The following ADAMTS18 variants were observed in gnomAD, a reference collection of about 807,000 sequenced individuals.
ADAMTS18 encodes the protein A disintegrin and metalloproteinase with thrombospondin motifs 18.
Under a neutral mutation model 165.9 loss-of-function variants are expected in ADAMTS18, and 157 were observed. The observed-to-expected ratio is 0.95, with a 90% CI of 0.83 to 1.08. The LOEUF (loss-of-function observed/expected upper bound fraction) is 1.08, where lower values mean the gene tolerates loss of function less well. Ranked by LOEUF, ADAMTS18 falls within the 50% of genes least tolerant of loss-of-function variation. The pLI, the probability that ADAMTS18 is intolerant of heterozygous loss-of-function variation, is 0.00. For missense variants in ADAMTS18, 2,040 were observed against 1,534.0 expected (o/e 1.33, Z -5.51); for synonymous variants, 782 against 578.2 (o/e 1.35, Z -5.06).
chr16:77,353,717 T>G lies in ADAMTS18; in HGVS notation c.1614+16A>C, dbSNP rs1392125445. 2 of 1,614,174 alleles carry G rather than the reference T, an allele frequency of 1.2e-6. No individual in the cohort carries two copies. ...GCAGAGTCTTAATGTAAGTTTGAAA[T>G]CACAAGCAAACATACCTTCACAAAA... On this transcript the variant is annotated intron_variant, in intron 10 of 22. Coordinates refer to ENST00000282849, the MANE Select transcript of ADAMTS18 (RefSeq NM_199355.4).
chr16:77,353,787 C>T lies in ADAMTS18; in HGVS notation c.1560G>A (p.Gln520=), dbSNP rs138251911. 6.2e-7 allele frequency: 1 copy of T among 1,614,152 alleles called. No homozygotes were observed. Among genetic ancestry groups the T allele is most frequent in the Non-Finnish European group, 8.5e-7 (1 of 1,180,020 alleles). The change falls in exon 10 of 23, where the codon CAG becomes CAA. Residue 520 remains glutamine (Q), a synonymous_variant. Coordinates refer to ENST00000282849, the MANE Select transcript of ADAMTS18 (RefSeq NM_199355.4). ...LPGQIYDADT[Q]CKWQFGAKAK... ...CTTTTGCTCCAAATTGCCATTTACACTGTGTGTCAGCATCATAAATCTGTC... is the reference window on the plus strand; with the variant it reads ...CTTTTGCTCCAAATTGCCATTTACATTGTGTGTCAGCATCATAAATCTGTC...
intron 3 of ADAMTS18, among the ~76,000 whole-genome samples, chr16:77,381,543 C>T (rs1382462245): frequency 6.6e-6 from 1 of 152,148 alleles, no homozygotes; most frequent in African/African-American, 2.4e-5. Context: ...GTGGCTCACG[C>T]CTGTAATCCC....
intron 2 of ADAMTS18, 105 bp downstream of exon 2, chr16:77,434,313 C>T: frequency 7.5e-7 from 1 of 1,327,370 alleles, no homozygotes; most frequent in Admixed American, 2.0e-5. Context: ...CAGCGCACAC[C>T]TGCCAGGTTA....
At chr16:77,316,186 A>T (rs9746086) in intron 16 of ADAMTS18, among the ~76,000 whole-genome samples, 65,886 of 151,896 alleles carry the variant, frequency 0.43, 15,038 homozygotes, top group East Asian at 0.88. Context: ...CCTGGAATTC[A>T]AGAACCATTT....
At chr16:77,345,810 A>G (rs147140152) in intron 10 of ADAMTS18, among the ~76,000 whole-genome samples, 1 of 152,242 alleles carries the variant, frequency 6.6e-6, no homozygotes, top group East Asian at 1.9e-4. Context: ...AGTTAGGGAG[A>G]GCCTTCCAAA....
intron 3 of ADAMTS18, among the ~76,000 whole-genome samples, chr16:77,410,825 C>T (rs1223487835): frequency 6.6e-6 from 1 of 152,200 alleles, no homozygotes; most frequent in African/African-American, 2.4e-5. Context: ...GGAACCCCTT[C>T]TAGCACCCAG....
intron 3 of ADAMTS18, among the ~76,000 whole-genome samples, chr16:77,377,337 G>A (rs972170372): frequency 6.6e-5 from 10 of 152,148 alleles, no homozygotes; most frequent in Non-Finnish European, 1.3e-4. Flanking sequence ...TCAGTGTGAA[G>A]AGCTTTAAAG....
intron 3 of ADAMTS18, among the ~76,000 whole-genome samples, chr16:77,383,113 T>G (rs931504600): frequency 6.6e-6 from 1 of 152,198 alleles, no homozygotes; most frequent in African/African-American, 2.4e-5. Context: ...GTCCCTCCTG[T>G]GTTCTCATTC....
At chr16:77,427,648 A>T (rs1378332437) in intron 3 of ADAMTS18, among the ~76,000 whole-genome samples, 2 of 152,198 alleles carry the variant, frequency 1.3e-5, no homozygotes, top group Non-Finnish European at 2.9e-5. Flanking sequence ...AAGCATTCAA[A>T]ATTTTAAAAC....
intron 17 of ADAMTS18, 43 bp downstream of exon 17, chr16:77,300,220 T>A: frequency 6.2e-7 from 1 of 1,612,636 alleles, no homozygotes; most frequent in Non-Finnish European, 8.5e-7. Context: ...GAACCTGTTT[T>A]AAGAGAGACA....
intron 3 of ADAMTS18, among the ~76,000 whole-genome samples, chr16:77,423,953 T>A (rs1372143342): frequency 6.6e-6 from 1 of 152,190 alleles, no homozygotes; most frequent in Non-Finnish European, 1.5e-5. Flanking sequence ...GGCCATTTCC[T>A]TCCCAGACCT....
rs538183146 is a variant in ADAMTS18, at chr16:77,285,286, C to T, written c.3551-1215G>A. Among the ~76,000 whole-genome samples, 18 of 152,286 alleles carry T rather than the reference C, an allele frequency of 1.2e-4. No homozygotes were observed. In the South Asian group the frequency reaches 1.7e-3, roughly 14 times the overall value. ...CTCATGTATTCAAATGGTTCTCCTG[C>T]GTAAGCCTCCTGGGTAGCTGGGATT... is the stretch of plus-strand genomic sequence containing the variant. On this transcript the variant is annotated intron_variant, in intron 22 of 22. Transcript: ENST00000282849.
intron 3 of ADAMTS18, among the ~76,000 whole-genome samples, 176 bp downstream of exon 3, chr16:77,431,119 A>G (rs1312967119): frequency 6.6e-6 from 1 of 152,192 alleles, no homozygotes; most frequent in Non-Finnish European, 1.5e-5. Flanking sequence ...GTTCTATTAT[A>G]TTTTCTTTTT....
chr16:77,400,599 A>G (rs1303831724), intron 3 of ADAMTS18, among the ~76,000 whole-genome samples: 1 of 150,956 alleles, frequency 6.6e-6, no homozygotes, highest in African/African-American at 2.4e-5. Context: ...CTCCTGCCTC[A>G]GCCTCCTAAG....
At chr16:77,310,815 C>T (rs1004914034) in intron 16 of ADAMTS18, among the ~76,000 whole-genome samples, 12 of 151,840 alleles carry the variant, frequency 7.9e-5, no homozygotes, top group Admixed American at 2.6e-4. Flanking sequence ...CTCATGGAGA[C>T]GGGGGTTTTT....
At chr16:77,312,286 G>A (rs189649088) in intron 16 of ADAMTS18, among the ~76,000 whole-genome samples, 1 of 151,670 alleles carries the variant, frequency 6.6e-6, no homozygotes, top group Admixed American at 6.6e-5. Flanking sequence ...GCCCAGGCTG[G>A]AGTGCAATGG....
Position 77,283,532 on chromosome 16 carries a change from G to C in ADAMTS18, c.*424C>G, listed in dbSNP as rs112792786. 1 of 201,664 alleles carries C rather than the reference G, an allele frequency of 5.0e-6. No homozygotes were observed. The highest frequency in any genetic ancestry group is 5.4e-5 in the Admixed American group (1 of 18,556). The allele number at this position is 201,664 out of a possible 1,614,324, so 12.5% of individuals were successfully genotyped here. A position where few individuals can be genotyped will look rare whatever the true frequency, so the allele number is the denominator to read the frequency against. On this transcript the variant is annotated 3_prime_UTR_variant, in exon 23 of 23. Coordinates refer to ENST00000282849, the MANE Select transcript of ADAMTS18 (RefSeq NM_199355.4). The stretch of plus-strand genomic sequence containing the variant: ...TGAACTCCACGCAACAGTTAGGCAA[G>C]GTATTCCATCCAGATTTGAAAGTTC...
intron 2 of ADAMTS18, among the ~76,000 whole-genome samples, chr16:77,432,771 A>T (rs1462387094): frequency 2.0e-5 from 1 of 49,780 alleles, no homozygotes; most frequent in East Asian, 3.6e-4. Flanking sequence ...CTCCTCCAAT[A>T]AAAAAAAAAA....
chr16:77,290,163 A>T (rs1276591612), intron 21 of ADAMTS18, among the ~76,000 whole-genome samples: 1 of 152,196 alleles, frequency 6.6e-6, no homozygotes, highest in African/African-American at 2.4e-5. Context: ...CTTGTTATCA[A>T]ATTATCTAAA....
Sources: gnomAD v4.1 joint callset for allele counts (sites outside exome capture counted in the v4.1 genomes callset) on GRCh38, gnomAD v4.1.1 for gene constraint, MANE v1.5 for transcripts, NCBI Gene and HGNC (gene_info 2026-07-23, HGNC 2026-07-21) for gene names.